The following RASAL2 variants were observed in gnomAD, a reference collection of about 807,000 sequenced individuals.
The protein encoded by RASAL2 is RAS protein activator like 2.
RASAL2 carries 58 observed loss-of-function variants against 128.9 expected under a neutral mutation model. That is an observed-to-expected ratio of 0.45 (90% CI 0.36 to 0.56). The LOEUF (loss-of-function observed/expected upper bound fraction) is 0.56, where lower values mean the gene tolerates loss of function less well. Ranked by LOEUF, RASAL2 falls within the 20% of genes least tolerant of loss-of-function variation. The probability of loss-of-function intolerance (pLI) is 0.00; values close to 1 mark genes in which losing one functional copy is unlikely to be tolerated. For synonymous variants in RASAL2, 561 were observed against 580.8 expected (o/e 0.97, Z 0.49); for missense variants, 1,360 against 1,601.6 (o/e 0.85, Z 2.57).
At chr1:178,369,012 T>C (rs1454146519) in intron 3 of RASAL2, among the ~76,000 whole-genome samples, 1 of 152,214 alleles carries the variant, frequency 6.6e-6, no homozygotes, top group Non-Finnish European at 1.5e-5. Context: ...TATAGAGTTT[T>C]ACATTTTCAG....
intron 3 of RASAL2, among the ~76,000 whole-genome samples, chr1:178,384,305 T>C (rs1213283485): frequency 6.6e-6 from 1 of 152,190 alleles, no homozygotes; most frequent in African/African-American, 2.4e-5. Context: ...CTTATATAAT[T>C]GTTCACCAAA....
intron 3 of RASAL2, among the ~76,000 whole-genome samples, chr1:178,366,555 C>G (rs1444198808): frequency 1.3e-5 from 2 of 148,160 alleles, no homozygotes; most frequent in African/African-American, 4.9e-5. Flanking sequence ...CATCCGCTGT[C>G]ACATTTTAAA....
At chr1:178,423,111 C>T (rs2102759620) in intron 5 of RASAL2, among the ~76,000 whole-genome samples, 2 of 152,250 alleles carry the variant, frequency 1.3e-5, no homozygotes, top group Non-Finnish European at 2.9e-5. Flanking sequence ...TGTACTCTCC[C>T]TGTGTCAGTA....
intron 3 of RASAL2, among the ~76,000 whole-genome samples, chr1:178,361,866 C>T (rs768637362): frequency 6.6e-5 from 10 of 152,052 alleles, no homozygotes; most frequent in Non-Finnish European, 1.2e-4. Flanking sequence ...TAGATGGTCT[C>T]ATCTGGGGGT....
At chr1:178,203,922 A>C (rs181484536) in intron 1 of RASAL2, among the ~76,000 whole-genome samples, 24 of 152,340 alleles carry the variant, frequency 1.6e-4, no homozygotes, top group African/African-American at 5.1e-4. Flanking sequence ...CAAATGGCCC[A>C]GACTCTTCAG....
intron 2 of RASAL2, among the ~76,000 whole-genome samples, chr1:178,291,566 G>C (rs1667281265): frequency 6.6e-6 from 1 of 152,162 alleles, no homozygotes; most frequent in African/African-American, 2.4e-5. Flanking sequence ...ATTATATGGG[G>C]AAAATTGAAT....
At chr1:178,468,837 G>A (rs568599845) in intron 17 of RASAL2, among the ~76,000 whole-genome samples, 1 of 152,202 alleles carries the variant, frequency 6.6e-6, no homozygotes, top group South Asian at 2.1e-4. Context: ...AAACAGCCTG[G>A]ATAAATAAGG....
intron 2 of RASAL2, among the ~76,000 whole-genome samples, chr1:178,288,816 A>C (rs554225296): frequency 4.0e-5 from 6 of 151,710 alleles, no homozygotes; most frequent in African/African-American, 1.4e-4. Context: ...ATGCCCAGCT[A>C]ATTTTTGTAT....
intron 1 of RASAL2, among the ~76,000 whole-genome samples, chr1:178,205,474 G>C (rs1465762050): frequency 6.6e-6 from 1 of 152,018 alleles, no homozygotes; most frequent in Non-Finnish European, 1.5e-5. Context: ...AGACTCTTAT[G>C]GGCCGGGCGC....
intron 1 of RASAL2, among the ~76,000 whole-genome samples, chr1:178,205,300 C>T (rs982756604): frequency 6.6e-6 from 1 of 152,022 alleles, no homozygotes; most frequent in Admixed American, 6.6e-5. Context: ...GCACTGTGCC[C>T]AGCCCAGAAA....
Position 178,445,514 on chromosome 1 carries a change from C to T in RASAL2, c.1483-4C>T. On this transcript the variant is annotated splice_region_variant and splice_polypyrimidine_tract_variant and intron_variant, in intron 8 of 17. Coordinates refer to ENST00000367649, the MANE Select transcript of RASAL2 (RefSeq NM_170692.4). ...TTCTGCCTGATTGAACATTATTCTA[C>T]CAGGATTTTCTGACTGACTTGGTGA... The T allele has an allele frequency of 3.1e-6, 5 of 1,611,890 alleles. No homozygotes were observed. The highest frequency in any genetic ancestry group is 4.2e-6 in the Non-Finnish European group (5 of 1,178,902).
At chr1:178,099,114 C>T (rs567247074) in intron 1 of RASAL2, among the ~76,000 whole-genome samples, 34 of 152,266 alleles carry the variant, frequency 2.2e-4, no homozygotes, top group African/African-American at 8.2e-4. Context: ...TAAAATGTTG[C>T]AACTAGTATG....
chr1:178,362,827 C>T (rs1445354931), intron 3 of RASAL2, among the ~76,000 whole-genome samples: 1 of 151,870 alleles, frequency 6.6e-6, no homozygotes, highest in African/African-American at 2.4e-5. Flanking sequence ...TAATGTTTTG[C>T]AAATGGCAGG....
intron 1 of RASAL2, among the ~76,000 whole-genome samples, chr1:178,275,482 T>A (rs964912549): frequency 6.6e-6 from 1 of 152,236 alleles, no homozygotes; most frequent in Non-Finnish European, 1.5e-5. Flanking sequence ...AAGGTAGAAC[T>A]ATCATAGGAA....
chr1:178,305,759 A>G (rs1667955783), intron 3 of RASAL2, among the ~76,000 whole-genome samples: 2 of 152,192 alleles, frequency 1.3e-5, no homozygotes. Flanking sequence ...CTACAGATAC[A>G]AATTGCAAGC....
chr1:178,341,747 C>A, intron 3 of RASAL2: 2 of 1,225,900 alleles, frequency 1.6e-6, no homozygotes, highest in Non-Finnish European at 2.3e-6. Flanking sequence ...GTTTTTATTG[C>A]TGTGAGTTCA....
intron 4 of RASAL2, among the ~76,000 whole-genome samples, chr1:178,402,735 G>T (rs1345804422): frequency 6.6e-6 from 1 of 151,986 alleles, no homozygotes; most frequent in African/African-American, 2.4e-5. Context: ...GAGGCAGTAA[G>T]AATTTTATCT....
At chr1:178,472,298 A>G (rs1227348332) in intron 17 of RASAL2, among the ~76,000 whole-genome samples, 2 of 151,664 alleles carry the variant, frequency 1.3e-5, no homozygotes, top group African/African-American at 4.8e-5. Context: ...GTTTCCAAAT[A>G]TTGTTTCTAA....
intron 1 of RASAL2, among the ~76,000 whole-genome samples, chr1:178,261,637 G>A (rs573150127): frequency 6.6e-6 from 1 of 152,236 alleles, no homozygotes; most frequent in African/African-American, 2.4e-5. Flanking sequence ...AATTAGAAGT[G>A]TTGGATGGGC....
Sources: allele counts gnomAD v4.1 joint callset (sites outside exome capture counted in the v4.1 genomes callset), GRCh38; gene constraint gnomAD v4.1.1; transcripts MANE v1.5; gene names NCBI Gene and HGNC (gene_info 2026-07-23, HGNC 2026-07-21).